Variants in RFX1 observed in about 807,000 individuals in gnomAD.
The protein encoded by RFX1 is MHC class II regulatory factor RFX1.
In RFX1, 42 loss-of-function variants were observed where a neutral mutation model predicts 119.6. The ratio of observed to expected loss-of-function variants is 0.35; its 90% CI spans 0.27 to 0.45. RFX1 has a LOEUF of 0.45. Ranked by LOEUF, RFX1 falls within the 20% of genes least tolerant of loss-of-function variation. The pLI is 1.00. For missense variants in RFX1, 1,118 were observed against 1,368.1 expected, an observed-to-expected ratio of 0.82 and a Z score of 2.88; for synonymous variants, 628 against 618.5, an observed-to-expected ratio of 1.02 and a Z score of -0.23.
rs566382472 is a variant in RFX1, at chr19:14,002,884, C to T, written c.-53+3219G>A. On this transcript the variant is annotated intron_variant, in intron 1 of 20. Transcript: ENST00000254325. ...GGTGAGGACCTCGGCTCCAGAGACG[C>T]CATTCCAAGCTCCCCACCGTTCCCA... Among the ~76,000 whole-genome samples the T allele has an allele frequency of 7.9e-5, 12 of 152,324 alleles. No individual in the cohort carries two copies. The East Asian group carries it at 2.3e-3, about 29-fold the overall frequency.
chr19:13,964,142 T>G, intron 16 of RFX1, 135 bp from the exon 17 acceptor site: 1 of 983,426 alleles, frequency 1.0e-6, no homozygotes, highest in Non-Finnish European at 1.4e-6. Context: ...CTACTTTTGT[T>G]GGGACACAGA....
chr19:13,989,942 C>A (rs546178991), intron 2 of RFX1, among the ~76,000 whole-genome samples: 1 of 152,106 alleles, frequency 6.6e-6, no homozygotes, highest in East Asian at 1.9e-4. Flanking sequence ...CAAGACTGAC[C>A]GTGGGCCTGG....
At chr19:13,978,924 G>C (rs1304254928) in intron 7 of RFX1, among the ~76,000 whole-genome samples, 1 of 151,896 alleles carries the variant, frequency 6.6e-6, no homozygotes, top group Non-Finnish European at 1.5e-5. Context: ...CCCACTGCTC[G>C]GCGCCCGGCT....
At chr19:13,992,823 CAA>C (rs1000199008) in intron 2 of RFX1, among the ~76,000 whole-genome samples, 5 of 152,160 alleles carry the variant, frequency 3.3e-5, no homozygotes, top group African/African-American at 1.2e-4. Context: ...ATCTTATTTG[CAA>C]AGAGAGGTCA....
chr19:13,976,228 C>T (rs991919889), intron 8 of RFX1, among the ~76,000 whole-genome samples: 2 of 152,246 alleles, frequency 1.3e-5, no homozygotes, highest in African/African-American at 2.4e-5. Flanking sequence ...TCGGTCAGAG[C>T]ATCATGACCC....
intron 9 of RFX1, among the ~76,000 whole-genome samples, chr19:13,971,745 C>T (rs899262509): frequency 6.6e-6 from 1 of 152,078 alleles, no homozygotes. Context: ...CGTGGTGGCT[C>T]ACGTCTGTAA....
In RFX1 at chr19:13,961,708, T is replaced by C. The variant is rs1364685100; in HGVS notation, c.*987A>G. ...GCTATAGCACGCGGAGCACACAAAATAGTGATTTTTATACAATAGGTCAGA... is the reference window on the plus strand; with the variant it reads ...GCTATAGCACGCGGAGCACACAAAACAGTGATTTTTATACAATAGGTCAGA... On this transcript the variant is annotated 3_prime_UTR_variant, in exon 21 of 21. Coordinates refer to ENST00000254325, the MANE Select transcript of RFX1 (RefSeq NM_002918.5). 6.6e-6 allele frequency: 1 copy of C among 152,188 alleles called. No individual in the cohort carries two copies. Among genetic ancestry groups the C allele is most frequent in the Non-Finnish European group, 1.5e-5 (1 of 68,090 alleles). 9.4% of individuals were successfully genotyped at this position (152,188 alleles called of 1,614,324 possible).
intron 1 of RFX1, among the ~76,000 whole-genome samples, chr19:14,003,026 AG>A (rs1443214323): frequency 6.6e-6 from 1 of 152,324 alleles, no homozygotes; most frequent in East Asian, 1.9e-4. Flanking sequence ...TCTGTCACCC[AG>A]GCTCAAGTGC....
intron 1 of RFX1, among the ~76,000 whole-genome samples, chr19:13,994,893 C>CATACAT (rs58399098): frequency 1.4e-3 from 84 of 59,246 alleles, no homozygotes; most frequent in African/African-American, 3.0e-3. Flanking sequence ...AATATACATA[C>CATACAT]ATATATATAT....
chr19:13,992,629 G>A (rs1444951373), intron 2 of RFX1, among the ~76,000 whole-genome samples: 1 of 152,180 alleles, frequency 6.6e-6, no homozygotes, highest in Non-Finnish European at 1.5e-5. Context: ...GCCCACTCAA[G>A]GCCATCCTGG....
rs1046697524 is a variant in RFX1, at chr19:13,964,321, C to T, written c.2212-314G>A. Among the ~76,000 whole-genome samples, 3 of 151,552 alleles carry T rather than the reference C, an allele frequency of 2.0e-5. No homozygotes were observed. The South Asian group carries it at 6.3e-4, about 32-fold the overall frequency. On this transcript the variant is annotated intron_variant, in intron 16 of 20. Transcript: ENST00000254325. ...GCCCAGACTGGTCTCGAACTTCTGG[C>T]TTCAAGTGATCCTCCTGCCTTTGCC...
At chr19:13,973,968 C>T (rs1345430859) in intron 8 of RFX1, among the ~76,000 whole-genome samples, 1 of 151,474 alleles carries the variant, frequency 6.6e-6, no homozygotes. Flanking sequence ...AAAAAAATAC[C>T]GAAGGGTTAG....
rs948133074 is a variant in RFX1 at position 13,966,250 on chromosome 19, A to G, written c.1961+171T>C. Among the ~76,000 whole-genome samples, 1 of 151,828 alleles carries G rather than the reference A, an allele frequency of 6.6e-6. No homozygotes were observed. The highest frequency in any genetic ancestry group is 2.4e-5 in the African/African-American group (1 of 41,290). ...ATGCCTGGGCTTAGTCAGGCACTCC[A>G]CCCCCGACTGTTGAGTGTCGGGTGG... is the stretch of plus-strand genomic sequence containing the variant. On this transcript the variant is annotated intron_variant, in intron 14 of 20. Transcript: ENST00000254325. This position sits in a 1 kb window ranked among gnomAD's most constrained non-coding sequence, Gnocchi z 6.3.
At chr19:14,003,406 G>GGTATCCAGCT (rs1555758251) in intron 1 of RFX1, among the ~76,000 whole-genome samples, 2 of 152,046 alleles carry the variant, frequency 1.3e-5, no homozygotes, top group African/African-American at 4.8e-5. Context: ...CTGGATCCCT[G>GGTATCCAGCT]TCATCGACCC....
rs1974572781 is a variant in RFX1 at position 13,985,802 on chromosome 19, G to A, written c.320-2207C>T. ...AGGGCACAGGAGGGAGAGGGGCCTGGACAGGGCAGGAGGGCTATTCAGGGC... is the reference window on the plus strand; with the variant it reads ...AGGGCACAGGAGGGAGAGGGGCCTGAACAGGGCAGGAGGGCTATTCAGGGC... On this transcript the variant is annotated intron_variant, in intron 2 of 20. Coordinates refer to ENST00000254325, the MANE Select transcript of RFX1 (RefSeq NM_002918.5). The surrounding 1 kb of genome is among the most constrained non-coding windows in gnomAD (Gnocchi z 4.3). Among the ~76,000 whole-genome samples the A allele has an allele frequency of 6.6e-6, 1 of 152,198 alleles. No individual in the cohort carries two copies. The highest frequency in any genetic ancestry group is 2.4e-5 in the African/African-American group (1 of 41,444).
At chr19:13,995,885 G>C (rs557350585) in intron 1 of RFX1, among the ~76,000 whole-genome samples, 1 of 147,680 alleles carries the variant, frequency 6.8e-6, no homozygotes, top group South Asian at 2.1e-4. Context: ...AAAATTAAAC[G>C]GGAGTGGTGG....
chr19:14,002,555 T>C lies in RFX1; in HGVS notation c.-53+3548A>G, dbSNP rs546182338. The stretch of plus-strand genomic sequence containing the variant: ...AGGCAAATAGTGGGGGTTTTGACTC[T>C]TACTGTCCAGGCAGCATAAATGATG... On this transcript the variant is annotated intron_variant, in intron 1 of 20. Transcript: ENST00000254325. Among the ~76,000 whole-genome samples, 23 of 152,178 alleles carry C rather than the reference T, an allele frequency of 1.5e-4. 1 individual carries two copies. Among genetic ancestry groups the C allele is most frequent in the Admixed American group, 9.8e-4 (15 of 15,274 alleles).
chr19:13,998,107 A>AT (rs1201930456), intron 1 of RFX1: 1 of 152,070 alleles, frequency 6.6e-6, no homozygotes, highest in Non-Finnish European at 1.5e-5. Flanking sequence ...ACTCATTAAC[A>AT]TATTACCAAC....
intron 1 of RFX1, among the ~76,000 whole-genome samples, chr19:14,001,017 C>T (rs957491751): frequency 6.6e-6 from 1 of 152,064 alleles, no homozygotes; most frequent in Non-Finnish European, 1.5e-5. Context: ...ATTGCTTGAA[C>T]CCAGGAGGCA....
Sources: allele counts gnomAD v4.1 joint callset (sites outside exome capture counted in the v4.1 genomes callset), GRCh38; gene constraint gnomAD v4.1.1; non-coding constraint Gnocchi (gnomAD v3.1); transcripts MANE v1.5; gene names NCBI Gene and HGNC (gene_info 2026-07-23, HGNC 2026-07-21).